The following CENPV variants were observed in gnomAD, a reference collection of about 807,000 sequenced individuals.
The protein encoded by CENPV is centromere protein V, also known as nuclear protein p30.
In CENPV, 15 loss-of-function variants were observed where a neutral mutation model predicts 26.4. The ratio of observed to expected loss-of-function variants is 0.57; its 90% CI spans 0.38 to 0.88. The LOEUF is 0.88. Ranked by LOEUF, CENPV falls within the 40% of genes least tolerant of loss-of-function variation. CENPV has a pLI of 0.00. For missense variants in CENPV, 336 were observed against 376.5 expected, an observed-to-expected ratio of 0.89 and a Z score of 0.89; for synonymous variants, 172 against 165.5, an observed-to-expected ratio of 1.04 and a Z score of -0.30.
chr17:16,352,665 T>C (rs1280270387), intron 1 of CENPV, among the ~76,000 whole-genome samples: 1 of 152,044 alleles, frequency 6.6e-6, no homozygotes, highest in African/African-American at 2.4e-5. Flanking sequence ...GGATTTATGT[T>C]CTTTTCACTA....
In CENPV at chr17:16,353,047, G is replaced by A; in HGVS notation, c.390C>T (p.Ala130=). The A allele has an allele frequency of 3.2e-6, 5 of 1,578,792 alleles. No individual in the cohort carries two copies. Among genetic ancestry groups the A allele is most frequent in the Non-Finnish European group, 4.3e-6 (5 of 1,163,804 alleles). ...CTCACAAGGTGTCTAGCAGGAGCTT[G>A]GCGGCACCCTCGGAGGTAAGCTTCT... is the stretch of plus-strand genomic sequence containing the variant. ...KRQKLTSEGA[A]KLLLDTFEYQ... The change falls in exon 1 of 5, where the codon GCC becomes GCT. Residue 130 remains alanine (A), a synonymous_variant. Coordinates refer to ENST00000299736, the MANE Select transcript of CENPV (RefSeq NM_181716.3).
At chr17:16,346,622 G>T (rs1203626917) in intron 3 of CENPV, among the ~76,000 whole-genome samples, 2 of 151,858 alleles carry the variant, frequency 1.3e-5, no homozygotes, top group East Asian at 3.9e-4. Context: ...GTGGTGGCGG[G>T]CACCTGTAGT....
chr17:16,346,654 A>G (rs1178596264), intron 3 of CENPV, among the ~76,000 whole-genome samples: 8 of 152,006 alleles, frequency 5.3e-5, no homozygotes, highest in African/African-American at 1.9e-4. Flanking sequence ...AGGAGGCTGA[A>G]GCAGGAGAAT....
chr17:16,349,374 G>A, intron 2 of CENPV: 1 of 985,926 alleles, frequency 1.0e-6, no homozygotes, highest in Non-Finnish European at 1.2e-6. Context: ...ATAATTAGCT[G>A]CATGCCAACT....
chr17:16,344,750 G>C (rs1175163452), intron 3 of CENPV, 39 bp from the exon 4 acceptor site: 1 of 1,178,570 alleles, frequency 8.5e-7, no homozygotes, highest in East Asian at 2.6e-5. Context: ...TTTTTACAAA[G>C]AGATTTATTT....
At chr17:16,349,732 C>T in intron 2 of CENPV, 199 bp downstream of exon 2, 1 of 1,361,672 alleles carries the variant, frequency 7.3e-7, no homozygotes. Context: ...CTGGGCCATG[C>T]TGTTGAAGCT....
chr17:16,348,759 G>A, intron 2 of CENPV, 74 bp from the exon 3 acceptor site: 3 of 1,600,772 alleles, frequency 1.9e-6, no homozygotes, highest in East Asian at 2.2e-5. Flanking sequence ...GCCCAGCCAT[G>A]AGAGCCAGCC....
Position 16,353,264 on chromosome 17 carries a change from G to A in CENPV, c.173C>T (p.Ser58Leu). Residue 58 changes from serine to leucine, a missense_variant, in exon 1 of 5, where the codon TCG (serine) becomes TTG (leucine). Physicochemically the swap from Ser to Leu is moderately radical, Grantham distance 145. Transcript: ENST00000299736. ...SKSQAVEKPPSEKPRLRRSSP... is the reference protein window; with the variant it reads ...SKSQAVEKPPLEKPRLRRSSP... ...CGAGCGCCTCAGCCGCGGCTTCTCC[G>A]ACGGCGGCTTCTCCACCGCCTGGCT... 2 of 1,419,046 alleles carry A rather than the reference G, an allele frequency of 1.4e-6. No individual in the cohort carries two copies. Among genetic ancestry groups the A allele is most frequent in the Non-Finnish European group, 1.8e-6 (2 of 1,087,108 alleles). The allele number at this position is 1,419,046 out of a possible 1,614,324, so 87.9% of individuals were successfully genotyped here. A position where few individuals can be genotyped will look rare whatever the true frequency, so the allele number is the denominator to read the frequency against.
Position 16,342,945 on chromosome 17 carries a change from C to A in CENPV, c.695-4G>T, listed in dbSNP as rs370608826. 3.1e-6 allele frequency: 5 copies of A among 1,614,020 alleles called. No individual in the cohort carries two copies. In the Admixed American group the frequency reaches 8.3e-5, roughly 27 times the overall value. On this transcript the variant is annotated splice_polypyrimidine_tract_variant and splice_region_variant and intron_variant, in intron 4 of 4. Coordinates refer to ENST00000299736, the MANE Select transcript of CENPV (RefSeq NM_181716.3). ...TCCAGGCAGTGGGGGGCAATTCCTACGAGAAAGTGGCACAGACAAAGGGGG... is the reference window on the plus strand; with the variant it reads ...TCCAGGCAGTGGGGGGCAATTCCTAAGAGAAAGTGGCACAGACAAAGGGGG...
In CENPV at chr17:16,342,946, G is replaced by A. The variant is rs778537468; in HGVS notation, c.695-5C>T. The A allele has an allele frequency of 2.0e-5, 32 of 1,613,870 alleles. No homozygotes were observed. Among genetic ancestry groups the A allele is most frequent in the South Asian group, 3.3e-5 (3 of 91,068 alleles). The stretch of plus-strand genomic sequence containing the variant: ...CCAGGCAGTGGGGGGCAATTCCTAC[G>A]AGAAAGTGGCACAGACAAAGGGGGA... On this transcript the variant is annotated splice_polypyrimidine_tract_variant and splice_region_variant and intron_variant, in intron 4 of 4. Coordinates refer to ENST00000299736, the MANE Select transcript of CENPV (RefSeq NM_181716.3).
At chr17:16,352,185 A>G (rs933666874) in intron 1 of CENPV, among the ~76,000 whole-genome samples, 5 of 152,186 alleles carry the variant, frequency 3.3e-5, no homozygotes, top group Non-Finnish European at 1.5e-5. Context: ...CTGAAATATA[A>G]TATCAGGGCG....
intron 1 of CENPV, chr17:16,351,666 A>T (rs972370944): frequency 2.0e-5 from 3 of 152,184 alleles, no homozygotes; most frequent in African/African-American, 7.2e-5. Flanking sequence ...ACACTTTTTG[A>T]ATATAATTTA....
rs1315940898 is a variant in CENPV at position 16,353,369 on chromosome 17, G to A, written c.68C>T (p.Ala23Val). Reference sequence around the variant, plus strand: ...GGCAGCGGCCGCGGAGGCCGCGGGGGCCGCGGAGGCCCCGGACCGCTTCTG... The same window carrying A: ...GGCAGCGGCCGCGGAGGCCGCGGGGACCGCGGAGGCCCCGGACCGCTTCTG... ...RGQKRSGASA[A>V]PAASAAAALA... Residue 23 changes from alanine (A) to valine (V), a missense_variant, in exon 1 of 5, where the codon GCC becomes GTC. By Grantham distance (64) the Ala-to-Val change is moderately conservative. Coordinates refer to ENST00000299736, the MANE Select transcript of CENPV (RefSeq NM_181716.3). 2.3e-5 allele frequency: 28 copies of A among 1,235,654 alleles called. No homozygotes were observed. The highest frequency in any genetic ancestry group is 3.2e-4 in the Middle Eastern group (1 of 3,148). 76.5% of individuals were successfully genotyped at this position (1,235,654 alleles called of 1,614,324 possible).
chr17:16,344,785 T>A, intron 3 of CENPV, 74 bp from the exon 4 acceptor site: 1 of 866,926 alleles, frequency 1.2e-6, no homozygotes, highest in Non-Finnish European at 1.6e-6. Context: ...TTTATTTATT[T>A]ATTGAGACAG....
chr17:16,344,396 T>C (rs79157646), intron 4 of CENPV: 3,370 of 333,818 alleles, frequency 0.01, 112 homozygotes, highest in African/African-American at 0.067. Context: ...CACATTCAGA[T>C]ATGGGATTCA....
At chr17:16,345,076 G>A (rs1036117263) in intron 3 of CENPV, among the ~76,000 whole-genome samples, 1 of 151,648 alleles carries the variant, frequency 6.6e-6, no homozygotes, top group Non-Finnish European at 1.5e-5. Context: ...TGGCCCCAAA[G>A]ACATTTATTT....
intron 1 of CENPV, 126 bp from the exon 2 acceptor site, chr17:16,350,155 C>A: frequency 8.4e-7 from 1 of 1,190,698 alleles, no homozygotes; most frequent in Non-Finnish European, 1.2e-6. Flanking sequence ...AGATGCATTT[C>A]TGCTTTTAAG....
At position 16,353,024 on chromosome 17, in the gene CENPV, C is replaced by A; in HGVS notation, c.410+3G>T. On this transcript the variant is annotated splice_donor_region_variant and intron_variant, in intron 1 of 4. Coordinates refer to ENST00000299736, the MANE Select transcript of CENPV (RefSeq NM_181716.3). ...CCCGCGCCCCCCGGCCCGCCGCACT[C>A]ACAAGGTGTCTAGCAGGAGCTTGGC... The A allele has an allele frequency of 6.4e-7, 1 of 1,568,922 alleles. No individual in the cohort carries two copies. Among genetic ancestry groups the A allele is most frequent in the Non-Finnish European group, 8.6e-7 (1 of 1,159,462 alleles).
At chr17:16,343,388 A>G (rs2093190871) in intron 4 of CENPV, among the ~76,000 whole-genome samples, 2 of 152,128 alleles carry the variant, frequency 1.3e-5, no homozygotes, top group African/African-American at 4.8e-5. Flanking sequence ...GCTGGAGTAC[A>G]ATGGCGTGAT....
Sources: allele counts gnomAD v4.1 joint callset (sites outside exome capture counted in the v4.1 genomes callset), GRCh38; gene constraint gnomAD v4.1.1; transcripts MANE v1.5; gene names NCBI Gene and HGNC (gene_info 2026-07-23, HGNC 2026-07-21).